PRDM10: variants seen among roughly 807,000 people sequenced by gnomAD.
PRDM10 encodes PR domain zinc finger protein 10.
In PRDM10, 65 loss-of-function variants were observed where a neutral mutation model predicts 133.1. The observed-to-expected ratio is 0.49, with a 90% CI of 0.40 to 0.60. The LOEUF is 0.60. PRDM10 is among the 20% of genes least tolerant of loss of function. The probability of loss-of-function intolerance (pLI) is 0.00; values close to 1 mark genes in which losing one functional copy is unlikely to be tolerated. For synonymous variants in PRDM10, 582 were observed against 580.4 expected (o/e 1.00, Z -0.04); for missense variants, 1,137 against 1,507.1 (o/e 0.75, Z 4.07).
At chr11:129,922,380 T>G (rs995392636) in intron 13 of PRDM10, among the ~76,000 whole-genome samples, 4 of 152,228 alleles carry the variant, frequency 2.6e-5, no homozygotes, top group African/African-American at 9.6e-5. Context: ...CAGACCTACT[T>G]ATACTTTTCA....
intron 1 of PRDM10, among the ~76,000 whole-genome samples, chr11:129,982,372 TCTG>T (rs1426109546): frequency 1.3e-5 from 2 of 151,952 alleles, no homozygotes; most frequent in Non-Finnish European, 2.9e-5. Context: ...AAGCAATTCT[TCTG>T]CCTCAGCCTC....
intron 7 of PRDM10, among the ~76,000 whole-genome samples, chr11:129,938,981 T>C (rs1951122782): frequency 6.6e-6 from 1 of 152,190 alleles, no homozygotes; most frequent in Non-Finnish European, 1.5e-5. Flanking sequence ...GCTGGGCTCT[T>C]TGCCCTCACC....
chr11:129,977,362 C>A (rs1338674489), intron 1 of PRDM10, among the ~76,000 whole-genome samples: 3 of 151,968 alleles, frequency 2.0e-5, no homozygotes, highest in South Asian at 2.1e-4. Context: ...CGGCTCACTG[C>A]AATCTCCGAC....
chr11:129,973,525 CA>C (rs1415821193), intron 1 of PRDM10, among the ~76,000 whole-genome samples: 6 of 152,080 alleles, frequency 3.9e-5, no homozygotes, highest in Non-Finnish European at 2.9e-5. Context: ...TGTTACACAC[CA>C]TCTTTTGATT....
intron 4 of PRDM10, among the ~76,000 whole-genome samples, chr11:129,949,736 G>A (rs944910509): frequency 6.6e-6 from 1 of 152,018 alleles, no homozygotes; most frequent in Non-Finnish European, 1.5e-5. Flanking sequence ...TTTGAGACCA[G>A]CCTGGCCAAC....
At chr11:129,997,573 T>G (rs952363524) in intron 1 of PRDM10, among the ~76,000 whole-genome samples, 1 of 149,172 alleles carries the variant, frequency 6.7e-6, no homozygotes, top group African/African-American at 2.6e-5. Context: ...GTGGTCTTTT[T>G]CTAAATCACA....
rs143657075 is a variant in PRDM10, at chr11:129,909,601, G to A, written c.3163+875C>T. On this transcript the variant is annotated intron_variant, in intron 19 of 20. Transcript: ENST00000360871. ...CAACAGTAGAAGAAAGATCAATACC[G>A]ACCCTTTCCCTTCTCAGCACCTCTT... Among the ~76,000 whole-genome samples the A allele has an allele frequency of 1.8e-4, 27 of 152,178 alleles. No individual in the cohort carries two copies. In the South Asian group the frequency reaches 2.9e-3, roughly 16 times the overall value.
At chr11:129,946,995 C>A in intron 5 of PRDM10, 150 bp downstream of exon 5, 1 of 1,045,634 alleles carries the variant, frequency 9.6e-7, no homozygotes, top group Non-Finnish European at 1.4e-6. Flanking sequence ...CAGTGAAGGC[C>A]AGGTGGGATG....
At chr11:129,990,325 G>A in intron 1 of PRDM10, among the ~76,000 whole-genome samples, 1 of 151,168 alleles carries the variant, frequency 6.6e-6, no homozygotes, top group East Asian at 2.0e-4. Context: ...CAGCCTGGGT[G>A]ACAGAGCGAG....
At chr11:130,001,819 G>T (rs1939401850) in intron 1 of PRDM10, among the ~76,000 whole-genome samples, 1 of 152,066 alleles carries the variant, frequency 6.6e-6, no homozygotes, top group South Asian at 2.1e-4. Flanking sequence ...GCCTCGCCCT[G>T]CCTCTGCGCT....
At chr11:129,932,056 C>A in intron 10 of PRDM10, 46 bp downstream of exon 10, 1 of 1,589,886 alleles carries the variant, frequency 6.3e-7, no homozygotes, top group Non-Finnish European at 8.6e-7. Context: ...TCTGGCGAGT[C>A]CTCCACACAA....
At chr11:129,928,166 C>T (rs1279274805) in intron 11 of PRDM10, among the ~76,000 whole-genome samples, 2 of 152,066 alleles carry the variant, frequency 1.3e-5, no homozygotes, top group Non-Finnish European at 2.9e-5. Flanking sequence ...AGTGTTATGG[C>T]ATGATCATAG....
At chr11:129,913,219 C>CAAAAAAAAAAAA (rs750114740) in intron 17 of PRDM10, among the ~76,000 whole-genome samples, 1 of 78,878 alleles carries the variant, frequency 1.3e-5, no homozygotes. Context: ...ACCCTGTCTC[C>CAAAAAAAAAAAA]AAAAAAAAAA....
chr11:129,909,171 C>T (rs1340828688), intron 19 of PRDM10, among the ~76,000 whole-genome samples: 2 of 151,752 alleles, frequency 1.3e-5, no homozygotes, highest in Non-Finnish European at 2.9e-5. Flanking sequence ...AGTTTGTGGC[C>T]GGGCACAGTG....
chr11:129,925,337 A>G lies in PRDM10; in HGVS notation c.1531-108T>C, dbSNP rs566613520. ...TGATCTCTGCAATCACAGACTTCCC[A>G]TAGAAGTTCAACTCTAGGACACACA... is the stretch of plus-strand genomic sequence containing the variant. On this transcript the variant is annotated intron_variant, in intron 11 of 20. Transcript: ENST00000360871. 3.8e-4 allele frequency: 410 copies of G among 1,066,702 alleles called. 2 individuals carry two copies. The highest frequency in any genetic ancestry group is 8.8e-4 in the South Asian group (53 of 60,128). 66.1% of individuals were successfully genotyped at this position (1,066,702 alleles called of 1,614,324 possible).
At position 129,964,969 on chromosome 11, in the gene PRDM10, T is replaced by C. The variant is rs146971283; in HGVS notation, c.-118-3887A>G. ...ATTTTCATATTTCACAAACGAGCCA[T>C]ACAGAGCTTCAGAATTTTCAAAACA... On this transcript the variant is annotated intron_variant, in intron 1 of 20. Transcript: ENST00000360871. 1.6e-4 allele frequency among the ~76,000 whole-genome samples: 24 copies of C among 152,318 alleles called. No individual in the cohort carries two copies. In the East Asian group the frequency reaches 4.0e-3, roughly 26 times the overall value.
chr11:129,933,215 A>G (rs1950925358), intron 9 of PRDM10, among the ~76,000 whole-genome samples: 1 of 152,232 alleles, frequency 6.6e-6, no homozygotes, highest in Admixed American at 6.5e-5. Context: ...AACAAATACT[A>G]TATATTTTTT....
intron 1 of PRDM10, among the ~76,000 whole-genome samples, chr11:129,974,207 A>G (rs1389380552): frequency 6.6e-6 from 1 of 152,232 alleles, no homozygotes; most frequent in Admixed American, 6.5e-5. Flanking sequence ...AGGCTAGACT[A>G]TGGTAAGCAC....
intron 1 of PRDM10, among the ~76,000 whole-genome samples, chr11:129,987,434 T>C (rs561693981): frequency 6.6e-6 from 1 of 152,280 alleles, no homozygotes; most frequent in East Asian, 1.9e-4. Context: ...ACACTACTGG[T>C]GAGAATGTAA....
Sources: gnomAD v4.1 joint callset for allele counts (sites outside exome capture counted in the v4.1 genomes callset) on GRCh38, gnomAD v4.1.1 for gene constraint, MANE v1.5 for transcripts, NCBI Gene and HGNC (gene_info 2026-07-23, HGNC 2026-07-21) for gene names.